PIP4K2C: variants seen among roughly 807,000 people sequenced by gnomAD.
PIP4K2C encodes the protein phosphatidylinositol 5-phosphate 4-kinase type-2 gamma.
In PIP4K2C, 21 loss-of-function variants were observed where a neutral mutation model predicts 45.0. The ratio of observed to expected loss-of-function variants is 0.47; its 90% CI spans 0.33 to 0.67. The LOEUF (loss-of-function observed/expected upper bound fraction) is 0.67, where lower values mean the gene tolerates loss of function less well. Ranked by LOEUF, PIP4K2C falls within the 30% of genes least tolerant of loss-of-function variation. The probability of loss-of-function intolerance (pLI) is 0.02; values close to 1 mark genes in which losing one functional copy is unlikely to be tolerated. For synonymous variants in PIP4K2C, 201 were observed against 204.8 expected (o/e 0.98, Z 0.16); for missense variants, 456 against 542.8 (o/e 0.84, Z 1.59).
chr12:57,598,116 C>G (rs184175836), intron 4 of PIP4K2C: 3 of 152,106 alleles, frequency 2.0e-5, no homozygotes, highest in Non-Finnish European at 2.9e-5. Flanking sequence ...TCACTGTGTT[C>G]CCCGGGCTGG....
At chr12:57,594,845 C>G (rs1883119555) in intron 2 of PIP4K2C, among the ~76,000 whole-genome samples, 1 of 152,118 alleles carries the variant, frequency 6.6e-6, no homozygotes, top group Non-Finnish European at 1.5e-5. Context: ...TGGCGCATGC[C>G]TGTAGTCCCA....
chr12:57,591,445 G>A lies in PIP4K2C; in HGVS notation c.156G>A (p.Leu52=). The part of the protein sequence containing the change: ...RAADPLVGVF[L]WGVAHSINEL... ...CCGACCCGCTGGTGGGTGTGTTCCTGTGGGGCGTAGCCCACTCGGTGAGAA... is the reference window on the plus strand; with the variant it reads ...CCGACCCGCTGGTGGGTGTGTTCCTATGGGGCGTAGCCCACTCGGTGAGAA... Residue 52 remains leucine, a synonymous_variant, in exon 1 of 10, where the codon CTG becomes CTA. Coordinates refer to ENST00000354947, the MANE Select transcript of PIP4K2C (RefSeq NM_024779.5). The A allele has an allele frequency of 2.5e-6, 4 of 1,612,580 alleles. No homozygotes were observed. Among genetic ancestry groups the A allele is most frequent in the Non-Finnish European group, 3.4e-6 (4 of 1,179,378 alleles).
chr12:57,591,554 C>T (rs1161116855), intron 1 of PIP4K2C, 91 bp downstream of exon 1: 16 of 1,384,616 alleles, frequency 1.2e-5, no homozygotes, highest in Non-Finnish European at 1.4e-5. Flanking sequence ...CGGAGCCCCA[C>T]GCAGTGCCAC....
At position 57,591,261 on chromosome 12, in the gene PIP4K2C, C is replaced by T. The variant is rs769275609; in HGVS notation, c.-29C>T. 5.1e-5 allele frequency: 81 copies of T among 1,580,476 alleles called. 1 individual carries two copies. The highest frequency in any genetic ancestry group is 3.7e-4 in the South Asian group (33 of 88,846). On this transcript the variant is annotated 5_prime_UTR_variant, in exon 1 of 10. Transcript: ENST00000354947. ...GCGCCTGGATAGCTGCCGGCTCCGG[C>T]TTCCACTTGGTCGGTTGCGCGGGAG...
intron 4 of PIP4K2C, chr12:57,597,909 G>A: frequency 6.6e-6 from 1 of 152,138 alleles, no homozygotes; most frequent in East Asian, 1.9e-4. Flanking sequence ...ACAACTGAGG[G>A]ATATGGGGGA....
chr12:57,596,047 AGCCCC>A lies in PIP4K2C; in HGVS notation c.513+17_513+21del. On this transcript the variant is annotated intron_variant, in intron 4 of 9. Coordinates refer to ENST00000354947, the MANE Select transcript of PIP4K2C (RefSeq NM_024779.5). ...CTATCACCAGGTCAGGCCTCTCTCT[AGCCCC>A]ATTCTTTCCCTCTCCTCCCTACTCA... 6.2e-7 allele frequency: 1 copy of A among 1,610,942 alleles called. No homozygotes were observed. The highest frequency in any genetic ancestry group is 1.3e-5 in the African/African-American group (1 of 74,982).
rs1446577690 is a variant in PIP4K2C at position 57,601,692 on chromosome 12, C to G, written c.*86C>G. ...TGTGGGGATATTCTAGCCACCAGTT[C>G]TCTTCTTCCTTTGCTAAATTCAGGC... On this transcript the variant is annotated 3_prime_UTR_variant, in exon 10 of 10. Coordinates refer to ENST00000354947, the MANE Select transcript of PIP4K2C (RefSeq NM_024779.5). 2 of 1,195,942 alleles carry G rather than the reference C, an allele frequency of 1.7e-6. No individual in the cohort carries two copies. Among genetic ancestry groups the G allele is most frequent in the African/African-American group, 1.5e-5 (1 of 66,770 alleles). 74.1% of individuals were successfully genotyped at this position (1,195,942 alleles called of 1,614,324 possible).
chr12:57,593,092 C>G (rs1312573234), intron 1 of PIP4K2C, among the ~76,000 whole-genome samples: 2 of 151,924 alleles, frequency 1.3e-5, no homozygotes, highest in Non-Finnish European at 2.9e-5. Context: ...CACTGTGTGC[C>G]AAACATTGTG....
chr12:57,595,792 C>G, intron 3 of PIP4K2C, 96 bp from the exon 4 acceptor site: 1 of 1,351,318 alleles, frequency 7.4e-7, no homozygotes, highest in African/African-American at 1.4e-5. Flanking sequence ...TCTCCTACCC[C>G]AGGGATTCAT....
At chr12:57,598,295 C>T (rs941414083) in intron 4 of PIP4K2C, among the ~76,000 whole-genome samples, 2 of 151,980 alleles carry the variant, frequency 1.3e-5, no homozygotes, top group Non-Finnish European at 2.9e-5. Context: ...CCGAGGTGGG[C>T]AGATTGCCTG....
rs763418651 is a variant in PIP4K2C, at chr12:57,591,417, C to T, written c.128C>T (p.Ala43Val). 6.2e-7 allele frequency: 1 copy of T among 1,613,692 alleles called. No individual in the cohort carries two copies. ...FVQQKVKVFRAADPLVGVFLW... is the reference protein window; with the variant it reads ...FVQQKVKVFRVADPLVGVFLW... The stretch of plus-strand genomic sequence containing the variant: ...CAGCAGAAGGTGAAGGTGTTCCGGG[C>T]GGCCGACCCGCTGGTGGGTGTGTTC... Residue 43 changes from alanine to valine, a missense_variant, in exon 1 of 10, where the codon GCG becomes GTG. By Grantham distance (64) the Ala-to-Val change is moderately conservative (BLOSUM62 0). This residue lies in a region of PIP4K2C where 421 missense variants were observed against 473.1 expected (regional missense o/e 0.89). Transcript: ENST00000354947.
At chr12:57,596,748 A>T (rs1406986943) in intron 4 of PIP4K2C, among the ~76,000 whole-genome samples, 1 of 152,204 alleles carries the variant, frequency 6.6e-6, no homozygotes, top group Non-Finnish European at 1.5e-5. Flanking sequence ...CCTTGGTCTG[A>T]TGGCAGTGAC....
chr12:57,597,940 G>T (rs1439296299), intron 4 of PIP4K2C: 1 of 152,144 alleles, frequency 6.6e-6, no homozygotes, highest in Non-Finnish European at 1.5e-5. Flanking sequence ...GAGAAATGAG[G>T]TATAAACCTG....
At chr12:57,596,605 C>A (rs1389193214) in intron 4 of PIP4K2C, among the ~76,000 whole-genome samples, 1 of 151,880 alleles carries the variant, frequency 6.6e-6, no homozygotes, top group African/African-American at 2.4e-5. Context: ...TCACCAAAAT[C>A]AGTGAGCAAG....
chr12:57,598,794 T>A (rs759884138), intron 4 of PIP4K2C, among the ~76,000 whole-genome samples: 1 of 152,110 alleles, frequency 6.6e-6, no homozygotes, highest in Non-Finnish European at 1.5e-5. Context: ...CACTTAACCT[T>A]CCTCATCTCA....
Position 57,595,992 on chromosome 12 carries a change from C to A in PIP4K2C, c.474C>A (p.Asp158Glu). 6.2e-7 allele frequency: 1 copy of A among 1,613,938 alleles called. No individual in the cohort carries two copies. Among genetic ancestry groups the A allele is most frequent in the Non-Finnish European group, 8.5e-7 (1 of 1,179,836 alleles). ...TCATCAAAGAAGTATCCAGTGAGGACATTGCTGACATGCATAGCAACCTCT... is the reference window on the plus strand; with the variant it reads ...TCATCAAAGAAGTATCCAGTGAGGAAATTGCTGACATGCATAGCAACCTCT... ...TLVIKEVSSE[D>E]IADMHSNLSN... The change falls in exon 4 of 10, where the codon GAC (aspartate) becomes GAA (glutamate). Residue 158 changes from aspartate (D) to glutamate (E), a missense_variant. Transcript: ENST00000354947.
At chr12:57,599,017 TATCTGC>T in intron 4 of PIP4K2C, 42 bp from the exon 5 acceptor site, 1 of 1,591,712 alleles carries the variant, frequency 6.3e-7, no homozygotes, top group Non-Finnish European at 8.6e-7. Context: ...GCTGTTTGTG[TATCTGC>T]TACTCAGCCT....
rs562468594 is a variant in PIP4K2C at position 57,603,010 on chromosome 12, A to C, written c.*1404A>C. The C allele has an allele frequency of 2.0e-5, 3 of 152,158 alleles. 1 individual carries two copies. Among genetic ancestry groups the C allele is most frequent in the Middle Eastern group, 6.8e-3 (2 of 296 alleles). The allele number at this position is 152,158 out of a possible 1,614,324, so 9.4% of individuals were successfully genotyped here. On this transcript the variant is annotated 3_prime_UTR_variant, in exon 10 of 10. Transcript: ENST00000354947. ...ATCAGCAACTGGCCTGTGGTGATGC[A>C]AAGCTGCTTTGCTCTGTATCTGGCT...
In PIP4K2C at chr12:57,603,148, C is replaced by T. The variant is rs1883518664; in HGVS notation, c.*1542C>T. On this transcript the variant is annotated 3_prime_UTR_variant, in exon 10 of 10. Coordinates refer to ENST00000354947, the MANE Select transcript of PIP4K2C (RefSeq NM_024779.5). ...GGAGTACCCAGTTAGGGGTTGGAGC[C>T]CCCATATAACATCTTCCTGTCAGAA... 6.6e-6 allele frequency: 1 copy of T among 152,516 alleles called. No individual in the cohort carries two copies. The highest frequency in any genetic ancestry group is 2.4e-5 in the African/African-American group (1 of 41,412). The allele number at this position is 152,516 out of a possible 1,614,324, so 9.4% of individuals were successfully genotyped here. A position where few individuals can be genotyped will look rare whatever the true frequency, so the allele number is the denominator to read the frequency against.
Sources: gnomAD v4.1 joint callset for allele counts (sites outside exome capture counted in the v4.1 genomes callset) on GRCh38, gnomAD v4.1.1 for gene constraint, gnomAD v4.1.1 regional missense constraint, MANE v1.5 for transcripts, NCBI Gene and HGNC (gene_info 2026-07-23, HGNC 2026-07-21) for gene names.